Variants in SLC41A3 observed in about 807,000 individuals in gnomAD.
SLC41A3 encodes the protein solute carrier family 41 member 3.
Under a neutral mutation model 45.4 loss-of-function variants are expected in SLC41A3, and 44 were observed. The ratio of observed to expected loss-of-function variants is 0.97; its 90% CI spans 0.76 to 1.25. The LOEUF (loss-of-function observed/expected upper bound fraction) is 1.25, where lower values mean the gene tolerates loss of function less well. Among genes scored for constraint, SLC41A3 ranks in the 50% most tolerant of loss-of-function variants. The pLI is 0.00. For synonymous variants in SLC41A3, 256 were observed against 252.4 expected (o/e 1.01, Z -0.13); for missense variants, 550 against 600.6 (o/e 0.92, Z 0.88).
intron 1 of SLC41A3, chr3:126,092,665 G>T: frequency 6.5e-6 from 1 of 152,830 alleles, no homozygotes; most frequent in South Asian, 1.9e-4. Context: ...GTGACGGTTG[G>T]AGAACGTGGA....
At chr3:126,015,650 C>T in intron 7 of SLC41A3, 77 bp from the exon 8 acceptor site, 1 of 1,399,206 alleles carries the variant, frequency 7.1e-7, no homozygotes, top group African/African-American at 1.4e-5. Context: ...ACACAAATCA[C>T]CCTTTCAGCC....
chr3:126,027,760 G>A (rs78747996), intron 4 of SLC41A3, among the ~76,000 whole-genome samples: 1 of 152,232 alleles, frequency 6.6e-6, no homozygotes, highest in African/African-American at 2.4e-5. Context: ...AATTTGGACA[G>A]TGAAGGCCAG....
intron 6 of SLC41A3, among the ~76,000 whole-genome samples, chr3:126,017,903 C>A (rs1363787173): frequency 1.3e-5 from 2 of 152,168 alleles, no homozygotes; most frequent in African/African-American, 2.4e-5. Context: ...CCAGGCCCAG[C>A]CACCTCTAAC....
chr3:126,008,415 C>A (rs560765178), intron 10 of SLC41A3, among the ~76,000 whole-genome samples: 53 of 144,642 alleles, frequency 3.7e-4, no homozygotes, highest in Non-Finnish European at 7.6e-5. Context: ...GTGGGTTGCA[C>A]TGTGTTGTGG....
chr3:126,056,435 T>G, intron 2 of SLC41A3: 1 of 1,614,150 alleles, frequency 6.2e-7, no homozygotes, highest in Non-Finnish European at 8.5e-7. Context: ...ACCTGGCACA[T>G]GATGGTGAAG....
intron 3 of SLC41A3, among the ~76,000 whole-genome samples, chr3:126,042,450 G>T (rs557479274): frequency 6.6e-5 from 10 of 152,138 alleles, no homozygotes; most frequent in Admixed American, 1.3e-4. Context: ...AGTCTGCAAA[G>T]ATTTGGAGAG....
chr3:126,081,966 G>C (rs1945177343), intron 1 of SLC41A3, among the ~76,000 whole-genome samples: 1 of 152,272 alleles, frequency 6.6e-6, no homozygotes, highest in Admixed American at 6.5e-5. Context: ...GAGAGCCCCA[G>C]CCCTGGTCCA....
At chr3:126,022,710 T>G (rs867576912) in intron 6 of SLC41A3, 76 bp downstream of exon 6, 1 of 1,566,366 alleles carries the variant, frequency 6.4e-7, no homozygotes, top group African/African-American at 1.4e-5. Flanking sequence ...AAGTACCCAC[T>G]CAGCCTCAGT....
chr3:126,071,010 A>G (rs1944592958), intron 1 of SLC41A3, among the ~76,000 whole-genome samples: 1 of 152,220 alleles, frequency 6.6e-6, no homozygotes, highest in Non-Finnish European at 1.5e-5. Flanking sequence ...AAAAAATATA[A>G]AAGAAATAAC....
At chr3:126,067,807 G>T in intron 2 of SLC41A3, 140 bp downstream of exon 2, 2 of 1,036,544 alleles carry the variant, frequency 1.9e-6, no homozygotes, top group Non-Finnish European at 2.8e-6. Context: ...AAAGAATCTT[G>T]CCCAATATAT....
At chr3:126,053,784 C>T (rs985751513) in intron 2 of SLC41A3, among the ~76,000 whole-genome samples, 6 of 152,136 alleles carry the variant, frequency 3.9e-5, no homozygotes, top group Admixed American at 2.0e-4. Context: ...TCTGGCTGAA[C>T]TTTGGACACC....
chr3:126,037,964 C>T (rs1438941277), intron 3 of SLC41A3, among the ~76,000 whole-genome samples: 1 of 152,250 alleles, frequency 6.6e-6, no homozygotes, highest in Non-Finnish European at 1.5e-5. Flanking sequence ...ACATCCCTGG[C>T]TGTTCCAGCT....
At chr3:126,033,849 G>A (rs932452566) in intron 3 of SLC41A3, among the ~76,000 whole-genome samples, 171 bp from the exon 4 acceptor site, 3 of 151,832 alleles carry the variant, frequency 2.0e-5, no homozygotes, top group African/African-American at 7.3e-5. Flanking sequence ...CTTCTTATAC[G>A]GGGAGTGGGG....
chr3:126,026,499 A>C lies in SLC41A3; in HGVS notation c.454-20T>G. The C allele has an allele frequency of 6.3e-7, 1 of 1,597,034 alleles. No individual in the cohort carries two copies. The highest frequency in any genetic ancestry group is 8.5e-7 in the Non-Finnish European group (1 of 1,171,266). The stretch of plus-strand genomic sequence containing the variant: ...CTGCACCTGTTGGACAGAAATCAGA[A>C]GCATGAAGGGGGGCCCCGGGGCCAC... On this transcript the variant is annotated intron_variant, in intron 4 of 10. Coordinates refer to ENST00000360370, the MANE Select transcript of SLC41A3 (RefSeq NM_017836.4). The surrounding 1 kb of genome is among the most constrained non-coding windows in gnomAD (Gnocchi z 4.2).
At chr3:126,022,018 G>A (rs1171618944) in intron 6 of SLC41A3, among the ~76,000 whole-genome samples, 1 of 152,212 alleles carries the variant, frequency 6.6e-6, no homozygotes, top group Non-Finnish European at 1.5e-5. Context: ...GCATGGATGT[G>A]GGGGGCGTGA....
chr3:126,017,434 C>G (rs912805554), intron 6 of SLC41A3, among the ~76,000 whole-genome samples: 1 of 152,192 alleles, frequency 6.6e-6, no homozygotes, highest in Non-Finnish European at 1.5e-5. Flanking sequence ...GGTCACCAGC[C>G]GGGTAGCTAC....
Position 126,095,775 on chromosome 3 carries a change from A to T in SLC41A3, c.-79+5654T>A, listed in dbSNP as rs62263500. ...GCACAACGATTCCTATGGAATCATT[A>T]TTAATTGGTCCCCTAAGGGGATATT... On this transcript the variant is annotated intron_variant, in intron 1 of 9. Transcript: ENST00000508835. Among the ~76,000 whole-genome samples the T allele has an allele frequency of 5.4e-3, 818 of 152,336 alleles. 2 individuals are homozygous for T. Among genetic ancestry groups the T allele is most frequent in the Middle Eastern group, 0.02 (6 of 294 alleles).
At chr3:126,042,380 G>A (rs904455485) in intron 3 of SLC41A3, among the ~76,000 whole-genome samples, 9 of 151,980 alleles carry the variant, frequency 5.9e-5, no homozygotes, top group African/African-American at 9.7e-5. Context: ...GAAAACCCCC[G>A]AAAAGACCTT....
At chr3:126,010,931 G>T (rs1349574605) in intron 9 of SLC41A3, among the ~76,000 whole-genome samples, 3 of 152,230 alleles carry the variant, frequency 2.0e-5, no homozygotes, top group Non-Finnish European at 4.4e-5. Context: ...CCCCAGTGGT[G>T]CAGTGTCAAA....
Sources: allele counts gnomAD v4.1 joint callset (sites outside exome capture counted in the v4.1 genomes callset), GRCh38; gene constraint gnomAD v4.1.1; non-coding constraint Gnocchi (gnomAD v3.1); transcripts MANE v1.5; gene names NCBI Gene and HGNC (gene_info 2026-07-23, HGNC 2026-07-21).